Variants in ERP44 observed in about 807,000 individuals in gnomAD.
ERP44 encodes the protein endoplasmic reticulum resident protein 44.
A neutral mutation model predicts 53.4 loss-of-function variants in ERP44; 25 were observed. The observed-to-expected ratio is 0.47, with a 90% CI of 0.34 to 0.65. The LOEUF is 0.65. ERP44 is among the 30% of genes least tolerant of loss of function. The probability of loss-of-function intolerance (pLI) is 0.01; values close to 1 mark genes in which losing one functional copy is unlikely to be tolerated. For synonymous variants in ERP44, 145 were observed against 161.2 expected, an observed-to-expected ratio of 0.90 and a Z score of 0.76; for missense variants, 338 against 493.2, an observed-to-expected ratio of 0.69 and a Z score of 2.98.
intron 1 of ERP44, among the ~76,000 whole-genome samples, chr9:100,072,133 C>A (rs560858976): frequency 6.6e-6 from 1 of 152,284 alleles, no homozygotes; most frequent in Non-Finnish European, 1.5e-5. Flanking sequence ...ATTTATCTTT[C>A]ATTTAGTCTA....
chr9:100,001,926 G>A (rs1178014712), intron 10 of ERP44, among the ~76,000 whole-genome samples: 1 of 151,880 alleles, frequency 6.6e-6, no homozygotes, highest in Non-Finnish European at 1.5e-5. Flanking sequence ...TTTGTGATTA[G>A]GTGATTTTCT....
intron 10 of ERP44, among the ~76,000 whole-genome samples, chr9:100,004,088 G>A (rs1830404696): frequency 6.6e-6 from 1 of 152,052 alleles, no homozygotes; most frequent in African/African-American, 2.4e-5. Flanking sequence ...TGAAAGCCTA[G>A]AGCTTAGGAG....
chr9:99,990,227 C>A (rs534173013), intron 10 of ERP44, among the ~76,000 whole-genome samples: 9 of 151,994 alleles, frequency 5.9e-5, no homozygotes, highest in Non-Finnish European at 1.0e-4. Flanking sequence ...TCAGATTCAC[C>A]AAAGTTGAAG....
intron 1 of ERP44, among the ~76,000 whole-genome samples, chr9:100,068,204 T>TG (rs1564102343): frequency 1.2e-4 from 16 of 130,268 alleles, no homozygotes; most frequent in African/African-American, 3.6e-4. Context: ...GGGAGGGAGG[T>TG]AGGGGGGTCA....
intron 1 of ERP44, among the ~76,000 whole-genome samples, chr9:100,078,168 T>G (rs781592120): frequency 6.6e-6 from 1 of 152,162 alleles, no homozygotes; most frequent in East Asian, 1.9e-4. Context: ...ACTAAGAAAA[T>G]ATCTTCAGGC....
intron 1 of ERP44, among the ~76,000 whole-genome samples, chr9:100,071,851 G>T (rs1055293608): frequency 1.3e-5 from 2 of 152,198 alleles, no homozygotes; most frequent in African/African-American, 4.8e-5. Flanking sequence ...AACCCGGGAG[G>T]TGGAAGTTGC....
Position 100,058,250 on chromosome 9 carries a change from A to AT in ERP44, c.131-392dup, listed in dbSNP as rs1347246243. On this transcript the variant is annotated intron_variant, in intron 2 of 11. Transcript: ENST00000262455. Reference sequence around the variant, plus strand: ...ACCACCACACCTGGCTAATTTTTGTATTTTTTTGTAGAGACAGGATCTGGT... The same window carrying AT: ...ACCACCACACCTGGCTAATTTTTGTATTTTTTTTGTAGAGACAGGATCTGGT... Among the ~76,000 whole-genome samples the AT allele has an allele frequency of 3.3e-5, 5 of 151,978 alleles. No homozygotes were observed. The South Asian group carries it at 6.2e-4, about 19-fold the overall frequency.
At chr9:100,061,395 G>A (rs1394234490) in intron 1 of ERP44, among the ~76,000 whole-genome samples, 3 of 151,224 alleles carry the variant, frequency 2.0e-5, no homozygotes, top group African/African-American at 7.3e-5. Context: ...AGTGAGCTGA[G>A]ATTGCACCAC....
intron 10 of ERP44, among the ~76,000 whole-genome samples, chr9:100,002,895 C>T (rs995560782): frequency 6.6e-6 from 1 of 152,040 alleles, no homozygotes; most frequent in Non-Finnish European, 1.5e-5. Context: ...TTTAAATAAG[C>T]TTTCTACCCC....
chr9:99,984,219 C>A (rs912700977), intron 11 of ERP44, among the ~76,000 whole-genome samples: 2 of 151,754 alleles, frequency 1.3e-5, no homozygotes, highest in African/African-American at 4.8e-5. Context: ...GTTTTATAGG[C>A]AAAATAATGG....
intron 3 of ERP44, among the ~76,000 whole-genome samples, chr9:100,055,467 G>C (rs1258131605): frequency 6.6e-6 from 1 of 152,186 alleles, no homozygotes; most frequent in East Asian, 1.9e-4. Flanking sequence ...CCGCCTGCTG[G>C]CTTCAAGCAA....
At position 100,066,542 on chromosome 9, in the gene ERP44, T is replaced by G. The variant is rs149893932; in HGVS notation, c.58-6370A>C. On this transcript the variant is annotated intron_variant, in intron 1 of 11. Transcript: ENST00000262455. ...ATTGACTTGCCTTTCTGTTGGGAGA[T>G]TCTCAGAGCCCTTTCTTTACAAACT... Among the ~76,000 whole-genome samples, 450 of 152,318 alleles carry G rather than the reference T, an allele frequency of 3.0e-3. 2 individuals are homozygous for G. The highest frequency in any genetic ancestry group is 0.01 in the African/African-American group (432 of 41,564).
At chr9:100,051,170 CTG>C (rs1489823831) in intron 4 of ERP44, among the ~76,000 whole-genome samples, 2 of 152,162 alleles carry the variant, frequency 1.3e-5, no homozygotes, top group African/African-American at 4.8e-5. Context: ...GCTCAGAAGA[CTG>C]TGAAATGATT....
chr9:100,028,735 G>A (rs1830679371), intron 4 of ERP44, among the ~76,000 whole-genome samples: 1 of 152,210 alleles, frequency 6.6e-6, no homozygotes, highest in Admixed American at 6.5e-5. Flanking sequence ...ATGGGTTTTA[G>A]CAGCTTGGAA....
rs1168903331 is a variant in ERP44 at position 100,043,291 on chromosome 9, A to AAAAAAAAAAAAAAAAAAAAAG, written c.286+9125_286+9126insCTTTTTTTTTTTTTTTTTTTT. On this transcript the variant is annotated intron_variant, in intron 4 of 11. Coordinates refer to ENST00000262455, the MANE Select transcript of ERP44 (RefSeq NM_015051.3). ...AAAAAAAAAAAAAAAAAAAAAAAAA[A>AAAAAAAAAAAAAAAAAAAAAG]GATAAATAAGACATAGTATTTGCTA... Among the ~76,000 whole-genome samples, 32 of 74,922 alleles carry AAAAAAAAAAAAAAAAAAAAAG rather than the reference A, an allele frequency of 4.3e-4. 10 individuals carry two copies. Among genetic ancestry groups the AAAAAAAAAAAAAAAAAAAAAG allele is most frequent in the South Asian group, 5.6e-4 (1 of 1,792 alleles). The allele number at this position is 74,922 out of a possible 152,430, so 49.2% of individuals were successfully genotyped here.
chr9:100,057,804 CA>C lies in ERP44; in HGVS notation c.170+15del. ...AAGTAAAAACAAAACCAAACCCAAACAATAAGATTACTTACCAGTCAGCATA... is the reference window on the plus strand; with the variant it reads ...AAGTAAAAACAAAACCAAACCCAAACATAAGATTACTTACCAGTCAGCATA... On this transcript the variant is annotated intron_variant, in intron 3 of 11. Coordinates refer to ENST00000262455, the MANE Select transcript of ERP44 (RefSeq NM_015051.3). 2 of 1,598,238 alleles carry C rather than the reference CA, an allele frequency of 1.3e-6. No individual in the cohort carries two copies. The highest frequency in any genetic ancestry group is 1.1e-5 in the South Asian group (1 of 88,236).
chr9:100,076,365 A>G (rs111915214), intron 1 of ERP44, among the ~76,000 whole-genome samples: 1 of 152,142 alleles, frequency 6.6e-6, no homozygotes, highest in Non-Finnish European at 1.5e-5. Flanking sequence ...CTCTTCCCCA[A>G]CCTGCACCAA....
intron 4 of ERP44, among the ~76,000 whole-genome samples, chr9:100,025,212 A>G (rs1830639889): frequency 6.6e-6 from 1 of 152,236 alleles, no homozygotes; most frequent in Non-Finnish European, 1.5e-5. Context: ...TAAGGAGCCA[A>G]TAATGGCAAT....
At chr9:99,997,797 AC>A (rs1341738326) in intron 10 of ERP44, among the ~76,000 whole-genome samples, 3 of 152,160 alleles carry the variant, frequency 2.0e-5, no homozygotes, top group African/African-American at 7.2e-5. Flanking sequence ...CAGGACTAAA[AC>A]ACAGCACACT....
Sources: gnomAD v4.1 joint callset for allele counts (sites outside exome capture counted in the v4.1 genomes callset) on GRCh38, gnomAD v4.1.1 for gene constraint, MANE v1.5 for transcripts, NCBI Gene and HGNC (gene_info 2026-07-23, HGNC 2026-07-21) for gene names.